The following PDE10A variants were observed in gnomAD, a reference collection of about 807,000 sequenced individuals.
The protein encoded by PDE10A is phosphodiesterase 10A, also known as cAMP and cAMP-inhibited cGMP 3',5'-cyclic phosphodiesterase 10A.
Under a neutral mutation model 97.7 loss-of-function variants are expected in PDE10A, and 39 were observed. That is an observed-to-expected ratio of 0.40 (90% confidence interval 0.31 to 0.52). The LOEUF (loss-of-function observed/expected upper bound fraction) is 0.52. Ranked by LOEUF, PDE10A falls within the 20% of genes least tolerant of loss-of-function variation. The pLI is 0.56. For missense variants in PDE10A, 731 were observed against 1,047.8 expected, an observed-to-expected ratio of 0.70 and a Z score of 4.17; for synonymous variants, 371 against 376.8, an observed-to-expected ratio of 0.98 and a Z score of 0.18.
chr6:165,457,311 C>A (rs1443283036), intron 3 of PDE10A, among the ~76,000 whole-genome samples: 1 of 151,346 alleles, frequency 6.6e-6, no homozygotes, highest in Admixed American at 6.6e-5. Flanking sequence ...CTGCAGCATT[C>A]GTAATTCGAG....
chr6:165,524,718 C>G (rs2128310604), intron 2 of PDE10A, among the ~76,000 whole-genome samples: 1 of 152,308 alleles, frequency 6.6e-6, no homozygotes, highest in Non-Finnish European at 1.5e-5. Context: ...AAAACAGACA[C>G]AAGCTCTTAT....
chr6:165,811,621 C>T (rs1249513632), intron 1 of PDE10A, among the ~76,000 whole-genome samples: 1 of 152,192 alleles, frequency 6.6e-6, no homozygotes, highest in Admixed American at 6.5e-5. Context: ...CTCCGGCCTC[C>T]CTGTGAGAGA....
chr6:165,959,163 G>A (rs1292836357), intron 1 of PDE10A, among the ~76,000 whole-genome samples: 1 of 152,192 alleles, frequency 6.6e-6, no homozygotes, highest in Non-Finnish European at 1.5e-5. Flanking sequence ...ATATATTAGA[G>A]TGAAAAGTCT....
In PDE10A at chr6:165,443,940, C is replaced by T. The variant is rs563345159; in HGVS notation, c.1194+4988G>A. On this transcript the variant is annotated intron_variant, in intron 5 of 21. Coordinates refer to ENST00000539869, the MANE Select transcript of PDE10A (RefSeq NM_001385079.1). ...CCCTATTGTCTTGGTGATTAATATT[C>T]GGCTCCTCGTATGCAAATTTCTGCA... Among the ~76,000 whole-genome samples, 182 of 152,278 alleles carry T rather than the reference C, an allele frequency of 1.2e-3. 1 individual carries two copies. The highest frequency in any genetic ancestry group is 3.9e-3 in the African/African-American group (164 of 41,570).
chr6:165,877,698 A>G (rs1781380218), intron 1 of PDE10A, among the ~76,000 whole-genome samples: 2 of 152,278 alleles, frequency 1.3e-5, no homozygotes, highest in Middle Eastern at 3.4e-3. Flanking sequence ...TGATTTTTTA[A>G]TAATGAAAAC....
At chr6:165,813,455 A>T (rs200790081) in intron 1 of PDE10A, among the ~76,000 whole-genome samples, 1 of 55,824 alleles carries the variant, frequency 1.8e-5, no homozygotes, top group Admixed American at 1.7e-4. Flanking sequence ...TGACTTTATG[A>T]CCAAATCAGG....
At chr6:165,955,333 G>A (rs149592521) in intron 1 of PDE10A, among the ~76,000 whole-genome samples, 13 of 152,206 alleles carry the variant, frequency 8.5e-5, no homozygotes, top group East Asian at 3.9e-4. Context: ...GGATCTTTGC[G>A]ATAACTTCCA....
chr6:165,816,166 C>A (rs1874193), intron 1 of PDE10A, among the ~76,000 whole-genome samples: 15 of 152,012 alleles, frequency 9.9e-5, no homozygotes, highest in Non-Finnish European at 2.1e-4. Context: ...AGCCAGGATG[C>A]TCTCAATCTC....
At chr6:165,896,971 C>T (rs34337878) in intron 1 of PDE10A, among the ~76,000 whole-genome samples, 5,268 of 152,146 alleles carry the variant, frequency 0.035, 106 homozygotes, top group Non-Finnish European at 0.048. Flanking sequence ...CCCCTGGCCT[C>T]AGTAAATATT....
chr6:165,646,213 T>A (rs1789391280), intron 1 of PDE10A, among the ~76,000 whole-genome samples: 1 of 152,170 alleles, frequency 6.6e-6, no homozygotes. Flanking sequence ...ACAGCCTCTT[T>A]TAAAAATCAA....
chr6:165,987,920 C>G (rs191592521), exon 1 of PDE10A: 2 of 372,934 alleles, frequency 5.4e-6, no homozygotes, highest in Non-Finnish European at 1.1e-5. Context: ...CTCCCAGCAG[C>G]AGCAACTTCG....
At chr6:165,376,942 C>T (rs1311911944) in intron 18 of PDE10A, among the ~76,000 whole-genome samples, 1 of 152,106 alleles carries the variant, frequency 6.6e-6, no homozygotes, top group African/African-American at 2.4e-5. Context: ...AAACAAATTG[C>T]CACATGCATC....
intron 1 of PDE10A, among the ~76,000 whole-genome samples, chr6:165,636,171 C>A (rs1348837636): frequency 6.6e-6 from 1 of 152,090 alleles, no homozygotes; most frequent in Non-Finnish European, 1.5e-5. Context: ...CAAAGGAATC[C>A]CCTACTTCCT....
In PDE10A at chr6:165,404,693, A is replaced by G. The variant is rs149469204; in HGVS notation, c.2077-8234T>C. 2.4e-3 allele frequency among the ~76,000 whole-genome samples: 369 copies of G among 152,256 alleles called. 2 individuals carry two copies. Among genetic ancestry groups the G allele is most frequent in the African/African-American group, 8.2e-3 (342 of 41,562 alleles). ...GACCTGAAAAAAAATCTAAGAATGG[A>G]AAGATGAATAGATATTAGTACCCTC... On this transcript the variant is annotated intron_variant, in intron 13 of 21. Transcript: ENST00000539869.
chr6:165,929,202 T>C (rs1583298251), intron 1 of PDE10A, among the ~76,000 whole-genome samples: 1 of 152,138 alleles, frequency 6.6e-6, no homozygotes, highest in Admixed American at 6.5e-5. Context: ...ACGTGGTTGG[T>C]GCAGAAAAAC....
intron 11 of PDE10A, among the ~76,000 whole-genome samples, chr6:165,416,696 G>C (rs1788339665): frequency 6.6e-6 from 1 of 152,134 alleles, no homozygotes; most frequent in African/African-American, 2.4e-5. Context: ...GTGGCACAAG[G>C]AACACTAGAA....
chr6:165,618,141 G>A (rs1787812838), intron 1 of PDE10A, among the ~76,000 whole-genome samples: 1 of 152,168 alleles, frequency 6.6e-6, no homozygotes. Context: ...TTCAATATAT[G>A]TATACATTTT....
intron 5 of PDE10A, among the ~76,000 whole-genome samples, chr6:165,436,598 G>T (rs901317718): frequency 6.6e-6 from 1 of 152,046 alleles, no homozygotes; most frequent in Non-Finnish European, 1.5e-5. Context: ...TGCTTAAATT[G>T]TATTTGCTAT....
chr6:165,626,440 A>G (rs1010613240), intron 1 of PDE10A, among the ~76,000 whole-genome samples: 5 of 152,242 alleles, frequency 3.3e-5, no homozygotes, highest in African/African-American at 1.2e-4. Flanking sequence ...ACAACCATAT[A>G]GAAAATTTTC....
Sources: gnomAD v4.1 joint callset for allele counts (sites outside exome capture counted in the v4.1 genomes callset) on GRCh38, gnomAD v4.1.1 for gene constraint, MANE v1.5 for transcripts, NCBI Gene and HGNC (gene_info 2026-07-23, HGNC 2026-07-21) for gene names.